Variants in GRIP1 observed in about 807,000 individuals in gnomAD.
GRIP1 encodes glutamate receptor interacting protein 1.
In GRIP1, 45 loss-of-function variants were observed where a neutral mutation model predicts 129.9. The ratio of observed to expected loss-of-function variants is 0.35; its 90% CI spans 0.27 to 0.44. The LOEUF is 0.44. Ranked by LOEUF, GRIP1 falls within the 20% of genes least tolerant of loss-of-function variation. The pLI, the probability that GRIP1 is intolerant of heterozygous loss-of-function variation, is 1.00. For synonymous variants in GRIP1, 530 were observed against 520.8 expected (o/e 1.02, Z -0.24); for missense variants, 1,196 against 1,396.8 (o/e 0.86, Z 2.29).
At chr12:67,041,628 A>C (rs1160669532) in intron 1 of GRIP1, among the ~76,000 whole-genome samples, 1 of 152,120 alleles carries the variant, frequency 6.6e-6, no homozygotes, top group East Asian at 1.9e-4. Context: ...AAATGCTTCA[A>C]AGTAGTTCAT....
intron 2 of GRIP1, among the ~76,000 whole-genome samples, chr12:66,543,542 A>C (rs977081558): frequency 1.3e-5 from 2 of 152,100 alleles, no homozygotes; most frequent in East Asian, 1.9e-4. Flanking sequence ...GTGCTACTTA[A>C]AACAAAACAA....
Position 66,973,724 on chromosome 12 carries a change from AG to A in GRIP1, c.58+95325del, listed in dbSNP as rs770339403. ...TAACATGACCCTAAAGTAATTTTGT[AG>A]GTACCATATTGCCTTTACCAAGAGT... On this transcript the variant is annotated intron_variant, in intron 1 of 1. Transcript: ENST00000643019. Among the ~76,000 whole-genome samples the A allele has an allele frequency of 4.6e-5, 7 of 152,204 alleles. No homozygotes were observed. In the South Asian group the frequency reaches 1.2e-3, roughly 27 times the overall value.
At chr12:66,544,544 C>T (rs1459428189) in intron 2 of GRIP1, among the ~76,000 whole-genome samples, 2 of 152,088 alleles carry the variant, frequency 1.3e-5, no homozygotes, top group Non-Finnish European at 2.9e-5. Context: ...TGTCTTCTAG[C>T]CAATCTGCTG....
rs147275142 is a variant in GRIP1, at chr12:67,041,785, C to A, written c.58+27265G>T. ...AGCCACAGGACAAAAAAAAAAACAA[C>A]CCTGTAATTAGAAATTGTTTCATAT... On this transcript the variant is annotated intron_variant, in intron 1 of 1. Coordinates refer to the GRIP1 transcript ENST00000643019. 3.2e-4 allele frequency among the ~76,000 whole-genome samples: 49 copies of A among 151,426 alleles called. No individual in the cohort carries two copies. In the East Asian group the frequency reaches 9.3e-3, roughly 29 times the overall value.
At chr12:66,789,629 A>T (rs906737506) in intron 1 of GRIP1, among the ~76,000 whole-genome samples, 8 of 118,910 alleles carry the variant, frequency 6.7e-5, no homozygotes, top group African/African-American at 1.5e-4. Context: ...CATGTAAAAA[A>T]TTTTTTCCAT....
intron 1 of GRIP1, among the ~76,000 whole-genome samples, chr12:66,978,628 T>G (rs2042190797): frequency 6.6e-6 from 1 of 152,204 alleles, no homozygotes; most frequent in South Asian, 2.1e-4. Context: ...GGTCTCAGAT[T>G]AGCTGTCTTC....
intron 1 of GRIP1, among the ~76,000 whole-genome samples, chr12:66,763,894 C>T (rs1443898600): frequency 6.6e-6 from 1 of 152,250 alleles, no homozygotes; most frequent in Non-Finnish European, 1.5e-5. Flanking sequence ...CTCCTCAAGT[C>T]TTCCCACTTG....
rs760613522 is a variant in GRIP1 at position 66,539,151 on chromosome 12, G to C, written c.345C>G (p.Asp115Glu). The change falls in exon 4 of 25, where the codon GAC (aspartate) becomes GAG (glutamate). Residue 115 changes from aspartate (D) to glutamate (E), a missense_variant. Coordinates refer to ENST00000359742, the MANE Select transcript of GRIP1 (RefSeq NM_001366722.1). ...CATTCTTCAGCAAGCTGATGATCTC[G>C]TCATGGCGGAATTTGGCCAGGTTGA... Reference protein sequence around the residue: ...NGINLAKFRHDEIISLLKNVG... With the variant: ...NGINLAKFRHEEIISLLKNVG... The C allele has an allele frequency of 1.2e-6, 2 of 1,614,008 alleles. No individual in the cohort carries two copies. The highest frequency in any genetic ancestry group is 1.7e-6 in the Non-Finnish European group (2 of 1,179,972).
At chr12:66,583,318 A>C (rs1330829441) in intron 2 of GRIP1, among the ~76,000 whole-genome samples, 1 of 150,474 alleles carries the variant, frequency 6.6e-6, no homozygotes. Flanking sequence ...AAGAAAACCT[A>C]GGCGTTACCA....
rs71436019 is a variant in GRIP1 at position 66,658,924 on chromosome 12, CA to C, written c.55+19925del. On this transcript the variant is annotated intron_variant, in intron 1 of 24. Coordinates refer to ENST00000359742, the MANE Select transcript of GRIP1 (RefSeq NM_001366722.1). ...GAGCAACACAGTGAGATCTTGTCTCCAAAAAAAAAACAAAATAAAACAAAAA... is the reference window on the plus strand; with the variant it reads ...GAGCAACACAGTGAGATCTTGTCTCCAAAAAAAAACAAAATAAAACAAAAA... 6.9e-3 allele frequency among the ~76,000 whole-genome samples: 918 copies of C among 133,976 alleles called. 8 individuals carry two copies. Among genetic ancestry groups the C allele is most frequent in the South Asian group, 0.03 (112 of 3,780 alleles). 87.9% of individuals were successfully genotyped at this position (133,976 alleles called of 152,430 possible).
intron 1 of GRIP1, among the ~76,000 whole-genome samples, chr12:66,748,538 C>T (rs143718517): frequency 2.3e-4 from 35 of 152,280 alleles, no homozygotes; most frequent in African/African-American, 8.4e-4. Context: ...ATGTATCTAT[C>T]GTAAGTTCCA....
intron 1 of GRIP1, among the ~76,000 whole-genome samples, chr12:66,657,053 T>G (rs2136173588): frequency 6.6e-6 from 1 of 152,212 alleles, no homozygotes; most frequent in South Asian, 2.1e-4. Context: ...GATTTTGATG[T>G]AAACAAGAAA....
chr12:66,604,768 T>C (rs2064435231), intron 1 of GRIP1, among the ~76,000 whole-genome samples: 1 of 152,184 alleles, frequency 6.6e-6, no homozygotes, highest in Admixed American at 6.5e-5. Context: ...GAATGACAAT[T>C]TGGTGCAAAA....
intron 1 of GRIP1, among the ~76,000 whole-genome samples, chr12:66,715,622 A>G (rs985563115): frequency 2.0e-5 from 3 of 152,016 alleles, no homozygotes; most frequent in Non-Finnish European, 2.9e-5. Flanking sequence ...TGGCCAGTAA[A>G]TACCAGCTGA....
chr12:66,980,379 G>A (rs1380655043), intron 1 of GRIP1, among the ~76,000 whole-genome samples: 1 of 152,168 alleles, frequency 6.6e-6, no homozygotes, highest in Non-Finnish European at 1.5e-5. Context: ...TTGGGAGGCT[G>A]AGGCGGGTGA....
At chr12:66,793,252 T>C (rs2038596694) in intron 1 of GRIP1, among the ~76,000 whole-genome samples, 1 of 152,202 alleles carries the variant, frequency 6.6e-6, no homozygotes. Flanking sequence ...TATTCAAATA[T>C]TGTGATGGCT....
At chr12:66,467,725 G>A (rs192064808) in intron 7 of GRIP1, among the ~76,000 whole-genome samples, 4 of 152,304 alleles carry the variant, frequency 2.6e-5, no homozygotes, top group Admixed American at 1.3e-4. Flanking sequence ...CCTTAAGCAC[G>A]CTGCATAGCA....
chr12:67,010,627 G>C lies in GRIP1; in HGVS notation c.58+58423C>G, dbSNP rs1592462915. Among the ~76,000 whole-genome samples, 4 of 152,180 alleles carry C rather than the reference G, an allele frequency of 2.6e-5. No individual in the cohort carries two copies. In the East Asian group the frequency reaches 7.7e-4, roughly 29 times the overall value. ...ATGAGAAAGAATAGAAAGAAATAAA[G>C]ATGATTAGCCAGAAGAAAAAACTTT... On this transcript the variant is annotated intron_variant, in intron 1 of 1. Transcript: ENST00000643019.
intron 23 of GRIP1, among the ~76,000 whole-genome samples, chr12:66,360,801 C>T (rs761094893): frequency 1.3e-5 from 2 of 152,192 alleles, no homozygotes; most frequent in Non-Finnish European, 2.9e-5. Flanking sequence ...CCAACTCTCC[C>T]CACTTGGATT....
Sources: allele counts gnomAD v4.1 joint callset (sites outside exome capture counted in the v4.1 genomes callset), GRCh38; gene constraint gnomAD v4.1.1; transcripts MANE v1.5; gene names NCBI Gene and HGNC (gene_info 2026-07-23, HGNC 2026-07-21).